The following NAALADL2 variants were observed in gnomAD, a reference collection of about 807,000 sequenced individuals.
NAALADL2 encodes the protein inactive N-acetylated-alpha-linked acidic dipeptidase-like protein 2.
In NAALADL2, 76 loss-of-function variants were observed where a neutral mutation model predicts 87.2. The ratio of observed to expected loss-of-function variants is 0.87; its 90% CI spans 0.72 to 1.05. The LOEUF (loss-of-function observed/expected upper bound fraction) is 1.05, where lower values mean the gene tolerates loss of function less well. NAALADL2 is among the 50% of genes least tolerant of loss of function. The pLI is 0.00. For missense variants in NAALADL2, 1,089 were observed against 945.8 expected (o/e 1.15, Z -1.99); for synonymous variants, 354 against 331.0 (o/e 1.07, Z -0.75).
At chr3:174,481,679 A>G (rs1358173647) in intron 1 of NAALADL2, among the ~76,000 whole-genome samples, 2 of 152,128 alleles carry the variant, frequency 1.3e-5, no homozygotes, top group Admixed American at 1.3e-4. Flanking sequence ...GTGGAAGGAT[A>G]CCAAACAAAA....
intron 4 of NAALADL2, among the ~76,000 whole-genome samples, chr3:175,292,819 C>T (rs71312321): frequency 6.6e-6 from 1 of 151,728 alleles, no homozygotes; most frequent in Non-Finnish European, 1.5e-5. Flanking sequence ...GGGTGGATCT[C>T]GAGGTCAGGA....
chr3:175,293,569 A>G (rs1460789812), intron 4 of NAALADL2, among the ~76,000 whole-genome samples: 1 of 152,178 alleles, frequency 6.6e-6, no homozygotes, highest in Admixed American at 6.5e-5. Flanking sequence ...GCTAACTCTC[A>G]AGATGATAGT....
chr3:175,621,198 G>C (rs562590279), intron 10 of NAALADL2, among the ~76,000 whole-genome samples: 28 of 152,244 alleles, frequency 1.8e-4, no homozygotes, highest in Non-Finnish European at 3.1e-4. Context: ...ACCCGTTCCT[G>C]TCTGTCTAGG....
intron 1 of NAALADL2, among the ~76,000 whole-genome samples, chr3:175,013,976 T>C (rs1750499436): frequency 6.6e-6 from 1 of 152,100 alleles, no homozygotes; most frequent in Admixed American, 6.6e-5. Context: ...AGGGTCACAC[T>C]CTAATAAAAC....
chr3:174,609,278 A>T (rs1304014464), intron 2 of NAALADL2, among the ~76,000 whole-genome samples: 1 of 151,936 alleles, frequency 6.6e-6, no homozygotes, highest in Non-Finnish European at 1.5e-5. Flanking sequence ...CTCTCTCACC[A>T]CTCCTATTCA....
chr3:175,030,839 G>A (rs1752719300), intron 1 of NAALADL2, among the ~76,000 whole-genome samples: 1 of 151,908 alleles, frequency 6.6e-6, no homozygotes, highest in Non-Finnish European at 1.5e-5. Context: ...AATTGTTTAT[G>A]AACAGTTAAT....
intron 1 of NAALADL2, among the ~76,000 whole-genome samples, chr3:174,508,611 AGTT>A (rs1719377790): frequency 6.6e-6 from 1 of 152,206 alleles, no homozygotes; most frequent in Non-Finnish European, 1.5e-5. Flanking sequence ...TGAAAGACTC[AGTT>A]GTTGTCTTTT....
intron 10 of NAALADL2, among the ~76,000 whole-genome samples, chr3:175,620,499 C>G (rs1304226772): frequency 6.6e-6 from 1 of 152,208 alleles, no homozygotes; most frequent in Admixed American, 6.5e-5. Flanking sequence ...AGAAGTTTTG[C>G]TGCTCTTTCT....
At chr3:174,671,997 G>A (rs593197) in intron 2 of NAALADL2, among the ~76,000 whole-genome samples, 96,643 of 151,392 alleles carry the variant, frequency 0.64, 31,565 homozygotes, top group Admixed American at 0.72. Flanking sequence ...AAGTTGTTCT[G>A]CAATCCTTTA....
At chr3:174,750,031 A>G (rs1311410870) in intron 3 of NAALADL2, among the ~76,000 whole-genome samples, 1 of 152,228 alleles carries the variant, frequency 6.6e-6, no homozygotes, top group African/African-American at 2.4e-5. Context: ...AAATAGGTTT[A>G]CAGAAAAAAG....
intron 1 of NAALADL2, among the ~76,000 whole-genome samples, chr3:175,025,281 G>A (rs1230686435): frequency 6.6e-6 from 1 of 152,000 alleles, no homozygotes; most frequent in African/African-American, 2.4e-5. Flanking sequence ...TTTATATTTT[G>A]TCAGGGATGG....
chr3:174,583,634 C>G (rs1427497873), intron 2 of NAALADL2, among the ~76,000 whole-genome samples: 3 of 152,140 alleles, frequency 2.0e-5, no homozygotes, highest in Non-Finnish European at 2.9e-5. Flanking sequence ...ATGATAATGT[C>G]TCAGTCTCTT....
intron 3 of NAALADL2, among the ~76,000 whole-genome samples, chr3:174,750,213 G>A (rs553711563): frequency 6.6e-6 from 1 of 152,100 alleles, no homozygotes; most frequent in Non-Finnish European, 1.5e-5. Context: ...ATAAGAATGG[G>A]CACTATATAG....
At chr3:174,622,512 A>G (rs1222968757) in intron 2 of NAALADL2, among the ~76,000 whole-genome samples, 1 of 152,174 alleles carries the variant, frequency 6.6e-6, no homozygotes, top group Non-Finnish European at 1.5e-5. Context: ...TTGAAAATCC[A>G]CATATAACTT....
At chr3:174,830,540 G>A (rs1722555731) in intron 3 of NAALADL2, among the ~76,000 whole-genome samples, 1 of 150,974 alleles carries the variant, frequency 6.6e-6, no homozygotes, top group South Asian at 2.1e-4. Flanking sequence ...TTGAAGTCAG[G>A]TAGTGTGATG....
Position 175,673,714 on chromosome 3 carries a change from C to G in NAALADL2, c.1896+46328C>G, listed in dbSNP as rs540690420. On this transcript the variant is annotated intron_variant, in intron 11 of 13. Coordinates refer to ENST00000454872, the MANE Select transcript of NAALADL2 (RefSeq NM_207015.3). Reference sequence around the variant, plus strand: ...ACACAATTCCTCTCCTTATGGAAACCAATGTTCCCAATACCTTCTGATAGA... The same window carrying G: ...ACACAATTCCTCTCCTTATGGAAACGAATGTTCCCAATACCTTCTGATAGA... Among the ~76,000 whole-genome samples the G allele has an allele frequency of 1.3e-3, 191 of 151,972 alleles. 2 individuals are homozygous for G. Among genetic ancestry groups the G allele is most frequent in the African/African-American group, 4.3e-3 (179 of 41,492 alleles).
chr3:175,690,364 G>A lies in NAALADL2; in HGVS notation c.1897-46942G>A, dbSNP rs192403360. Among the ~76,000 whole-genome samples the A allele has an allele frequency of 1.5e-3, 232 of 152,176 alleles. 1 individual carries two copies. The highest frequency in any genetic ancestry group is 5.2e-3 in the African/African-American group (216 of 41,562). Reference sequence around the variant, plus strand: ...AATGAAACACATCGTAAGAGGGTCAGAAGATATGTAGTACAGCCACATGAT... The same window carrying A: ...AATGAAACACATCGTAAGAGGGTCAAAAGATATGTAGTACAGCCACATGAT... On this transcript the variant is annotated intron_variant, in intron 11 of 13. Coordinates refer to ENST00000454872, the MANE Select transcript of NAALADL2 (RefSeq NM_207015.3).
At chr3:174,526,695 A>C (rs1350214567) in intron 1 of NAALADL2, among the ~76,000 whole-genome samples, 2 of 128,424 alleles carry the variant, frequency 1.6e-5, no homozygotes, top group Admixed American at 8.6e-5. Context: ...TTTTTTTTTG[A>C]GATGGAGTCT....
chr3:174,906,641 C>A (rs1452954262), intron 1 of NAALADL2, among the ~76,000 whole-genome samples: 3 of 152,040 alleles, frequency 2.0e-5, no homozygotes, highest in African/African-American at 7.3e-5. Context: ...GGCTTAGAAG[C>A]AGAATCAAAC....
Sources: gnomAD v4.1 joint callset for allele counts (sites outside exome capture counted in the v4.1 genomes callset) on GRCh38, gnomAD v4.1.1 for gene constraint, MANE v1.5 for transcripts, NCBI Gene and HGNC (gene_info 2026-07-23, HGNC 2026-07-21) for gene names.